The following STX3 variants were observed in gnomAD, a reference collection of about 807,000 sequenced individuals.
The protein encoded by STX3 is syntaxin-3.
In STX3, 19 loss-of-function variants were observed where a neutral mutation model predicts 40.2. The ratio of observed to expected loss-of-function variants is 0.47; its 90% confidence interval spans 0.33 to 0.69. The LOEUF (loss-of-function observed/expected upper bound fraction) is 0.69, where lower values mean the gene tolerates loss of function less well. Among genes scored for constraint, STX3 ranks in the 30% least tolerant of loss-of-function variants. STX3 has a pLI of 0.02. For synonymous variants in STX3, 122 were observed against 132.2 expected, an observed-to-expected ratio of 0.92 and a Z score of 0.53; for missense variants, 364 against 366.7, an observed-to-expected ratio of 0.99 and a Z score of 0.06.
chr11:59,768,889 G>T (rs1863413278), intron 1 of STX3, among the ~76,000 whole-genome samples: 1 of 152,204 alleles, frequency 6.6e-6, no homozygotes, highest in Non-Finnish European at 1.5e-5. Context: ...GAGGCTCAGA[G>T]ATGTGTTACA....
intron 1 of STX3, among the ~76,000 whole-genome samples, chr11:59,757,579 T>A (rs1672623173): frequency 6.6e-6 from 1 of 152,174 alleles, no homozygotes; most frequent in African/African-American, 2.4e-5. Flanking sequence ...TCCCCTTCCC[T>A]CTTGGGGATG....
chr11:59,781,372 C>T, intron 2 of STX3: 1 of 1,598,552 alleles, frequency 6.3e-7, no homozygotes, highest in Non-Finnish European at 8.5e-7. Context: ...CACTCCACCA[C>T]TAATTTCCCA....
intron 1 of STX3, among the ~76,000 whole-genome samples, chr11:59,758,585 G>A (rs1862859376): frequency 6.6e-6 from 1 of 152,200 alleles, no homozygotes; most frequent in Non-Finnish European, 1.5e-5. Context: ...TGAGGCCATG[G>A]TCACAAGATC....
At chr11:59,799,529 T>A in intron 10 of STX3, 2 of 384,670 alleles carry the variant, frequency 5.2e-6, no homozygotes, top group Non-Finnish European at 7.1e-6. Flanking sequence ...TAACCTTATT[T>A]AATATTTTTC....
chr11:59,764,341 CTG>C (rs376788476), intron 1 of STX3, among the ~76,000 whole-genome samples: 73 of 152,316 alleles, frequency 4.8e-4, no homozygotes, highest in Middle Eastern at 3.4e-3. Context: ...AACATGTCTC[CTG>C]TGGTACTGAT....
At position 59,788,903 on chromosome 11, in the gene STX3, C is replaced by T. The variant is rs557862308; in HGVS notation, c.245C>T (p.Thr82Ile). 3 of 1,612,614 alleles carry T rather than the reference C, an allele frequency of 1.9e-6. No homozygotes were observed. The change falls in exon 4 of 11, where the codon ACT (threonine) becomes ATT (isoleucine). Residue 82 changes from threonine to isoleucine, a missense_variant. Coordinates refer to ENST00000337979, the MANE Select transcript of STX3 (RefSeq NM_004177.5). ...AAGGATGACCTAGAGCAGCTCACGA[C>T]TGAGATTAAGAAAAGGGCCAACAAC... The part of the protein sequence containing the change: ...KTKDDLEQLT[T>I]EIKKRANNVR...
chr11:59,800,350 A>G (rs1164667471), intron 10 of STX3: 2 of 985,304 alleles, frequency 2.0e-6, no homozygotes, highest in Non-Finnish European at 1.2e-6. Context: ...AGACGGGGAA[A>G]GAGCAATGAA....
intron 9 of STX3, among the ~76,000 whole-genome samples, chr11:59,796,280 T>C (rs1865513729): frequency 6.6e-6 from 1 of 152,208 alleles, no homozygotes. Flanking sequence ...AATCATTCTG[T>C]TTCTACCACA....
At chr11:59,793,036 T>A (rs17154180) in intron 6 of STX3, 63 bp from the exon 7 acceptor site, 106,692 of 1,540,682 alleles carry the variant, frequency 0.069, 4,826 homozygotes, top group African/African-American at 0.21. Flanking sequence ...ATTTTCAGGG[T>A]CCTTATCAGA....
At chr11:59,789,941 C>T (rs1324778593) in intron 4 of STX3, among the ~76,000 whole-genome samples, 1 of 152,170 alleles carries the variant, frequency 6.6e-6, no homozygotes, top group African/African-American at 2.4e-5. Flanking sequence ...AGTTCTGTTG[C>T]TAGAGCCTGC....
chr11:59,770,940 C>T (rs1162382531), intron 1 of STX3, among the ~76,000 whole-genome samples: 1 of 152,028 alleles, frequency 6.6e-6, no homozygotes, highest in Non-Finnish European at 1.5e-5. Flanking sequence ...GAGGGCAGCT[C>T]TGGGAATTTC....
chr11:59,800,139 C>T, intron 10 of STX3: 1 of 985,386 alleles, frequency 1.0e-6, no homozygotes, highest in South Asian at 4.7e-5. Flanking sequence ...AATTGCTGAG[C>T]AGTTGTTAAG....
intron 2 of STX3, among the ~76,000 whole-genome samples, chr11:59,786,557 TTCTG>T (rs758542654): frequency 2.0e-5 from 3 of 151,988 alleles, no homozygotes; most frequent in Non-Finnish European, 4.4e-5. Flanking sequence ...GCCTATCTGT[TTCTG>T]TCTTTCTCTT....
At chr11:59,758,133 C>G (rs1862831897) in intron 1 of STX3, among the ~76,000 whole-genome samples, 1 of 152,018 alleles carries the variant, frequency 6.6e-6, no homozygotes, top group African/African-American at 2.4e-5. Context: ...TGGGTAGATA[C>G]AAAGAGAACA....
Position 59,803,268 on chromosome 11 carries a change from T to A in STX3, c.*2444T>A. Reference sequence around the variant, plus strand: ...GTATTATCCTTGCGATCATCTTAGCTTCCACCATTGGGAGCATATTTGCCT... The same window carrying A: ...GTATTATCCTTGCGATCATCTTAGCATCCACCATTGGGAGCATATTTGCCT... On this transcript the variant is annotated 3_prime_UTR_variant, in exon 11 of 11. Coordinates refer to ENST00000337979, the MANE Select transcript of STX3 (RefSeq NM_004177.5). 7.3e-6 allele frequency: 9 copies of A among 1,231,744 alleles called. No homozygotes were observed. Among genetic ancestry groups the A allele is most frequent in the Non-Finnish European group, 9.1e-6 (9 of 987,966 alleles). The allele number at this position is 1,231,744 out of a possible 1,614,324, so 76.3% of individuals were successfully genotyped here.
At chr11:59,793,990 T>C (rs1865369808) in intron 8 of STX3, among the ~76,000 whole-genome samples, 1 of 152,146 alleles carries the variant, frequency 6.6e-6, no homozygotes, top group South Asian at 2.1e-4. Context: ...AACAGCCTCC[T>C]GATATGGACT....
chr11:59,790,548 G>A lies in STX3; in HGVS notation c.319G>A (p.Val107Ile), dbSNP rs774792143. Residue 107 changes from valine (V) to isoleucine (I), a missense_variant, in exon 5 of 11, where the codon GTC becomes ATC. Val to Ile is a conservative substitution (Grantham distance 29, BLOSUM62 3). Coordinates refer to ENST00000337979, the MANE Select transcript of STX3 (RefSeq NM_004177.5). ...GGAGAAGCATATTGAAGAAGATGAG[G>A]TCAGGTCATCGGCAGACCTTCGGAT... ...SMEKHIEEDEVRSSADLRIRK... is the reference protein window; with the variant it reads ...SMEKHIEEDEIRSSADLRIRK... The A allele has an allele frequency of 3.1e-6, 5 of 1,614,006 alleles. No individual in the cohort carries two copies. The highest frequency in any genetic ancestry group is 3.3e-5 in the Admixed American group (2 of 60,000).
chr11:59,765,518 G>C (rs531755498), intron 1 of STX3, among the ~76,000 whole-genome samples: 20 of 152,244 alleles, frequency 1.3e-4, no homozygotes, highest in African/African-American at 4.6e-4. Context: ...AAAACCAGGA[G>C]TCAGGCTGGG....
At chr11:59,782,713 C>T (rs1316706754) in intron 2 of STX3, among the ~76,000 whole-genome samples, 4 of 152,030 alleles carry the variant, frequency 2.6e-5, no homozygotes, top group Admixed American at 2.0e-4. Flanking sequence ...ACATTTTAGG[C>T]TGGGCCTGGT....
Sources: gnomAD v4.1 joint callset for allele counts (sites outside exome capture counted in the v4.1 genomes callset) on GRCh38, gnomAD v4.1.1 for gene constraint, MANE v1.5 for transcripts, NCBI Gene and HGNC (gene_info 2026-07-23, HGNC 2026-07-21) for gene names.